DPP6: variants seen among roughly 807,000 people sequenced by gnomAD.
The protein encoded by DPP6 is A-type potassium channel modulatory protein DPP6.
DPP6 carries 69 observed loss-of-function variants against 122.6 expected under a neutral mutation model. That is an observed-to-expected ratio of 0.56 (90% CI 0.46 to 0.69). The LOEUF (loss-of-function observed/expected upper bound fraction) is 0.69. DPP6 is among the 30% of genes least tolerant of loss of function. The pLI, the probability that DPP6 is intolerant of heterozygous loss-of-function variation, is 0.00. For synonymous variants in DPP6, 418 were observed against 433.1 expected (o/e 0.97, Z 0.43); for missense variants, 928 against 1,116.9 (o/e 0.83, Z 2.41).
chr7:154,322,817 A>G (rs1261992815), intron 1 of DPP6, among the ~76,000 whole-genome samples: 2 of 152,236 alleles, frequency 1.3e-5, no homozygotes, highest in East Asian at 3.8e-4. Context: ...TGTTTGAAAC[A>G]TAAAACATGC....
chr7:154,396,180 C>G (rs749728891), intron 1 of DPP6, among the ~76,000 whole-genome samples: 4 of 152,104 alleles, frequency 2.6e-5, no homozygotes, highest in Non-Finnish European at 5.9e-5. Context: ...TGACACTGTG[C>G]AAAACAATTC....
chr7:154,244,258 A>T (rs574223504), intron 1 of DPP6, among the ~76,000 whole-genome samples: 96 of 152,312 alleles, frequency 6.3e-4, no homozygotes, highest in African/African-American at 2.0e-3. Flanking sequence ...GAAGAAAAAA[A>T]TACAAATCTA....
At chr7:154,695,999 C>G (rs1840194085) in intron 7 of DPP6, among the ~76,000 whole-genome samples, 1 of 152,172 alleles carries the variant, frequency 6.6e-6, no homozygotes, top group Non-Finnish European at 1.5e-5. Flanking sequence ...AAAGAGGCCT[C>G]TCAGAGGAGG....
chr7:154,409,418 T>C (rs909091574), intron 1 of DPP6, among the ~76,000 whole-genome samples: 2 of 152,178 alleles, frequency 1.3e-5, no homozygotes, highest in African/African-American at 4.8e-5. Context: ...CCTAGAACTG[T>C]GAGGAGGTAA....
At chr7:154,273,340 T>C (rs1803917650) in intron 1 of DPP6, among the ~76,000 whole-genome samples, 1 of 152,064 alleles carries the variant, frequency 6.6e-6, no homozygotes, top group African/African-American at 2.4e-5. Flanking sequence ...CAGGCACACA[T>C]CCCCTAAAGA....
the DPP6 span, among the ~76,000 whole-genome samples, chr7:153,755,611 C>T: frequency 6.6e-6 from 1 of 152,012 alleles, no homozygotes; most frequent in Admixed American, 6.5e-5. Flanking sequence ...GGTTTAGATC[C>T]ATAGACCTTC....
At chr7:154,329,505 A>C (rs1167768203) in intron 1 of DPP6, among the ~76,000 whole-genome samples, 2 of 152,238 alleles carry the variant, frequency 1.3e-5, no homozygotes, top group Non-Finnish European at 2.9e-5. Context: ...CGCCAGTTAG[A>C]ATGGCGATCA....
At chr7:154,565,838 T>G (rs1830713331) in intron 4 of DPP6, among the ~76,000 whole-genome samples, 1 of 152,166 alleles carries the variant, frequency 6.6e-6, no homozygotes, top group African/African-American at 2.4e-5. Flanking sequence ...GTGATGTCAT[T>G]TCTAACCTTT....
At chr7:154,379,172 A>G (rs1350919104) in intron 1 of DPP6, among the ~76,000 whole-genome samples, 1 of 152,186 alleles carries the variant, frequency 6.6e-6, no homozygotes, top group African/African-American at 2.4e-5. Context: ...CGGTTCCAAG[A>G]GGTGCCTCCA....
chr7:153,825,860 C>G, the DPP6 span, among the ~76,000 whole-genome samples: 4 of 152,168 alleles, frequency 2.6e-5, no homozygotes, highest in Non-Finnish European at 4.4e-5. Flanking sequence ...CACTCCTGGC[C>G]TTTTGCTCAT....
At chr7:154,458,523 C>A (rs760718323) in intron 2 of DPP6, among the ~76,000 whole-genome samples, 32 of 152,172 alleles carry the variant, frequency 2.1e-4, no homozygotes, top group Non-Finnish European at 7.4e-5. Flanking sequence ...GCGTGCAGCC[C>A]TGCTGACACT....
intron 5 of DPP6, among the ~76,000 whole-genome samples, chr7:154,625,004 G>A (rs1384166842): frequency 2.0e-5 from 3 of 152,326 alleles, no homozygotes; most frequent in Non-Finnish European, 4.4e-5. Flanking sequence ...TGGGATTTAT[G>A]TTGTGTGGAT....
chr7:154,395,011 A>G (rs1383762354), intron 1 of DPP6, among the ~76,000 whole-genome samples: 8 of 152,176 alleles, frequency 5.3e-5, no homozygotes, highest in Admixed American at 5.2e-4. Context: ...GCTATGACGT[A>G]ATACCATGGA....
chr7:154,667,563 A>G (rs941401537), intron 6 of DPP6, among the ~76,000 whole-genome samples: 9 of 152,068 alleles, frequency 5.9e-5, no homozygotes, highest in African/African-American at 2.2e-4. Flanking sequence ...TCTCTACTAA[A>G]AATACAAAAA....
the DPP6 span, among the ~76,000 whole-genome samples, chr7:153,778,155 G>C: frequency 6.7e-6 from 1 of 150,284 alleles, no homozygotes; most frequent in African/African-American, 2.5e-5. Flanking sequence ...TATATATTTA[G>C]GGTTGAATAC....
intron 1 of DPP6, among the ~76,000 whole-genome samples, chr7:154,005,204 A>T (rs1229056205): frequency 1.3e-5 from 2 of 152,224 alleles, no homozygotes; most frequent in African/African-American, 4.8e-5. Flanking sequence ...GAGACCTTTC[A>T]TCATAGTTCC....
At chr7:153,883,304 C>A (rs1798804493), upstream of DPP6, among the ~76,000 whole-genome samples, 1 of 152,172 alleles carries the variant, frequency 6.6e-6, no homozygotes, top group South Asian at 2.1e-4. Flanking sequence ...AATTTAAATA[C>A]CCAAAATTAA....
intron 1 of DPP6, among the ~76,000 whole-genome samples, chr7:154,117,757 T>C (rs4288281): frequency 0.55 from 81,244 of 148,636 alleles, 24,400 homozygotes; most frequent in East Asian, 0.74. Context: ...GTGGTGTGGG[T>C]GGGAGAATGC....
intron 1 of DPP6, among the ~76,000 whole-genome samples, chr7:154,336,687 C>T (rs1163760146): frequency 6.6e-6 from 1 of 152,154 alleles, no homozygotes; most frequent in Non-Finnish European, 1.5e-5. Flanking sequence ...CCACTGTGGG[C>T]ACGTGAGTCA....
Sources: allele counts gnomAD v4.1 joint callset (sites outside exome capture counted in the v4.1 genomes callset), GRCh38; gene constraint gnomAD v4.1.1; transcripts MANE v1.5; gene names NCBI Gene and HGNC (gene_info 2026-07-23, HGNC 2026-07-21).